KCNC4: variants seen among roughly 807,000 people sequenced by gnomAD.
KCNC4 encodes potassium voltage-gated channel subfamily C member 4, also known as voltage-gated potassium channel KCNC4.
A neutral mutation model predicts 42.8 loss-of-function variants in KCNC4; 23 were observed. That is an observed-to-expected ratio of 0.54 (90% CI 0.39 to 0.76). KCNC4 has a LOEUF of 0.76. KCNC4 is among the 30% of genes least tolerant of loss of function. The pLI is 0.00. For synonymous variants in KCNC4, 422 were observed against 393.5 expected (o/e 1.07, Z -0.86); for missense variants, 751 against 898.2 (o/e 0.84, Z 2.10).
rs1657669161 is a variant in KCNC4, at chr1:110,214,439, C to A, written c.678+2262C>A. Among the ~76,000 whole-genome samples, 5 of 152,154 alleles carry A rather than the reference C, an allele frequency of 3.3e-5. No individual in the cohort carries two copies. The South Asian group carries it at 1.0e-3, about 32-fold the overall frequency. On this transcript the variant is annotated intron_variant, in intron 1 of 3. Transcript: ENST00000438661. ...AGGCAAAGGCAACCCTCACCTGCTC[C>A]CGGGACACACAAGTGGGAATACATA...
At chr1:110,212,534 A>G (rs1186128431) in intron 1 of KCNC4, among the ~76,000 whole-genome samples, 1 of 152,114 alleles carries the variant, frequency 6.6e-6, no homozygotes, top group African/African-American at 2.4e-5. Context: ...TCCACACAGG[A>G]CTACGGTCCT....
chr1:110,212,354 C>T (rs921059307), intron 1 of KCNC4, among the ~76,000 whole-genome samples, 177 bp downstream of exon 1: 1 of 152,180 alleles, frequency 6.6e-6, no homozygotes, highest in African/African-American at 2.4e-5. Context: ...CACTCCCACC[C>T]TCTCCCCTGC....
intron 1 of KCNC4, among the ~76,000 whole-genome samples, chr1:110,212,492 C>T (rs1176458077): frequency 1.3e-5 from 2 of 152,198 alleles, no homozygotes; most frequent in African/African-American, 4.8e-5. Context: ...CTTTGGTCTG[C>T]ACAGGCTGCC....
intron 1 of KCNC4, among the ~76,000 whole-genome samples, chr1:110,274,402 T>C (rs2101088762): frequency 6.6e-6 from 1 of 152,250 alleles, no homozygotes; most frequent in East Asian, 1.9e-4. Context: ...GCTCATAGAT[T>C]GAAAGAATTA....
In KCNC4 at chr1:110,233,576, T is replaced by G. The variant is rs1292523010; in HGVS notation, c.*604T>G. The stretch of plus-strand genomic sequence containing the variant: ...GACTTCCAGGGGCTCCTCTGCAGCC[T>G]CCTCCACTACTTCCTCCACCCCATC... On this transcript the variant is annotated 3_prime_UTR_variant, in exon 4 of 4. Transcript: ENST00000438661. 1 of 154,526 alleles carries G rather than the reference T, an allele frequency of 6.5e-6. No individual in the cohort carries two copies. The allele number at this position is 154,526 out of a possible 1,614,324, so 9.6% of individuals were successfully genotyped here.
Position 110,233,119 on chromosome 1 carries a change from C to T in KCNC4, c.*147C>T. ...CTGGTGGAAAATCTCCCATGCGACC[C>T]TCGGGGCCCAGAGCCATCTGGGTCT... On this transcript the variant is annotated 3_prime_UTR_variant, in exon 4 of 4. Transcript: ENST00000438661. 1 of 998,668 alleles carries T rather than the reference C, an allele frequency of 1.0e-6. No individual in the cohort carries two copies. The highest frequency in any genetic ancestry group is 1.5e-6 in the Non-Finnish European group (1 of 675,810). The allele number at this position is 998,668 out of a possible 1,614,324, so 61.9% of individuals were successfully genotyped here. A position where few individuals can be genotyped will look rare whatever the true frequency, so the allele number is the denominator to read the frequency against.
exon 4 of KCNC4, chr1:110,239,718 C>T (rs1336168695): frequency 6.6e-5 from 10 of 152,200 alleles, no homozygotes; most frequent in Non-Finnish European, 1.3e-4. Context: ...TGGGGAATAA[C>T]ATGAACGCTC....
chr1:110,235,530 T>C, downstream of KCNC4: 1 of 151,928 alleles, frequency 6.6e-6, no homozygotes, highest in Non-Finnish European at 1.5e-5. Flanking sequence ...GCAGCAGGGG[T>C]ACTAGATGCC....
chr1:110,226,377 C>T, intron 3 of KCNC4, 199 bp downstream of exon 3: 1 of 611,206 alleles, frequency 1.6e-6, no homozygotes, highest in Non-Finnish European at 3.0e-6. Flanking sequence ...CTCAGAAGGG[C>T]ACACGGCTCC....
exon 4 of KCNC4, chr1:110,246,120 G>A (rs1351280960): frequency 6.6e-6 from 1 of 152,168 alleles, no homozygotes. Context: ...ATGCCAAACT[G>A]GGATTTCTCT....
At chr1:110,268,756 C>G (rs1165252436) in intron 1 of KCNC4, among the ~76,000 whole-genome samples, 1 of 140,278 alleles carries the variant, frequency 7.1e-6, no homozygotes, top group Middle Eastern at 4.6e-3. Context: ...GAGACGGAGT[C>G]TCGCTGTGTC....
chr1:110,273,031 C>A (rs905827267), intron 1 of KCNC4, among the ~76,000 whole-genome samples: 4 of 152,156 alleles, frequency 2.6e-5, no homozygotes, highest in Admixed American at 6.5e-5. Context: ...TGACAATTGG[C>A]CTTGGCAGAA....
downstream of KCNC4, chr1:110,237,254 T>TGGGC (rs1248113738): frequency 6.6e-6 from 1 of 152,212 alleles, no homozygotes; most frequent in African/African-American, 2.4e-5. Flanking sequence ...CAGTGAGCTA[T>TGGGC]GATCATACCA....
intron 3 of KCNC4, among the ~76,000 whole-genome samples, chr1:110,230,298 G>T (rs1161581039): frequency 1.2e-4 from 18 of 152,246 alleles, no homozygotes; most frequent in Admixed American, 1.1e-3. Flanking sequence ...CTGCCCTTCA[G>T]GAGGGAGCAG....
chr1:110,275,789 T>C (rs1398841483), intron 1 of KCNC4, among the ~76,000 whole-genome samples: 1 of 151,856 alleles, frequency 6.6e-6, no homozygotes, highest in African/African-American at 2.4e-5. Context: ...AAACCCCGTC[T>C]CTACTAAAAA....
At chr1:110,246,945 T>C (rs1379306488) in exon 4 of KCNC4, 1 of 152,060 alleles carries the variant, frequency 6.6e-6, no homozygotes, top group Non-Finnish European at 1.5e-5. Context: ...TGAGTCTCCA[T>C]TGTCCGTCAT....
chr1:110,270,265 C>T (rs1355699711), intron 1 of KCNC4, among the ~76,000 whole-genome samples: 3 of 152,196 alleles, frequency 2.0e-5, no homozygotes, highest in Admixed American at 6.5e-5. Context: ...CTGCATTGGC[C>T]TCATTCCTCT....
At chr1:110,229,135 A>T (rs1658563492) in intron 3 of KCNC4, 1 of 152,246 alleles carries the variant, frequency 6.6e-6, no homozygotes, top group South Asian at 2.1e-4. Flanking sequence ...GCCTTTAACC[A>T]GTAGCCGAAC....
At chr1:110,277,714 CA>C (rs900203947) in intron 1 of KCNC4, among the ~76,000 whole-genome samples, 32 of 152,238 alleles carry the variant, frequency 2.1e-4, no homozygotes, top group African/African-American at 7.2e-4. Flanking sequence ...GGGACAGAAG[CA>C]GAGCCCTCCT....
Sources: allele counts gnomAD v4.1 joint callset (sites outside exome capture counted in the v4.1 genomes callset), GRCh38; gene constraint gnomAD v4.1.1; transcripts MANE v1.5; gene names NCBI Gene and HGNC (gene_info 2026-07-23, HGNC 2026-07-21).